Variants in EIF3E observed in about 807,000 individuals in gnomAD.
The protein encoded by EIF3E is eukaryotic translation initiation factor 3 subunit E.
Under a neutral mutation model 59.3 loss-of-function variants are expected in EIF3E, and 25 were observed. That is an observed-to-expected ratio of 0.42 (90% confidence interval 0.31 to 0.59). The LOEUF (loss-of-function observed/expected upper bound fraction) is 0.59. Among genes scored for constraint, EIF3E ranks in the 20% least tolerant of loss-of-function variants. The pLI, the probability that EIF3E is intolerant of heterozygous loss-of-function variation, is 0.15. For missense variants in EIF3E, 317 were observed against 534.3 expected (o/e 0.59, Z 4.01); for synonymous variants, 176 against 170.2 (o/e 1.03, Z -0.26).
chr8:108,233,705 A>G (rs1191425437), intron 5 of EIF3E: 2 of 391,740 alleles, frequency 5.1e-6, no homozygotes, highest in Admixed American at 2.8e-5. Flanking sequence ...ATTAGCCATG[A>G]GTGGTGATGC....
intron 5 of EIF3E, among the ~76,000 whole-genome samples, chr8:108,230,680 A>C (rs1333741834): frequency 2.0e-5 from 3 of 152,164 alleles, no homozygotes; most frequent in African/African-American, 7.2e-5. Flanking sequence ...TCTAGTTATT[A>C]TCACAAAGTA....
intron 10 of EIF3E, among the ~76,000 whole-genome samples, chr8:108,207,282 GCAA>G (rs569411900): frequency 1.3e-5 from 2 of 152,180 alleles, no homozygotes; most frequent in South Asian, 4.1e-4. Flanking sequence ...ACCAGCCTGG[GCAA>G]CACAGCAAGA....
chr8:108,248,545 C>A, intron 1 of EIF3E, 68 bp downstream of exon 1: 1 of 1,525,832 alleles, frequency 6.6e-7, no homozygotes. Flanking sequence ...ACTACAGACA[C>A]CACCTTTCGG....
chr8:108,216,380 G>T (rs1330071171), intron 9 of EIF3E, 32 bp downstream of exon 9: 1 of 1,506,170 alleles, frequency 6.6e-7, no homozygotes, highest in African/African-American at 1.4e-5. Flanking sequence ...TTTAAGAATA[G>T]TATTAGTTTA....
chr8:108,216,569 T>G, intron 8 of EIF3E, 56 bp from the exon 9 acceptor site: 2 of 1,183,238 alleles, frequency 1.7e-6, no homozygotes, highest in Non-Finnish European at 2.4e-6. Context: ...TTTAGCAGAT[T>G]GCCCCAGAAT....
intron 3 of EIF3E, among the ~76,000 whole-genome samples, chr8:108,239,630 C>T (rs748396478): frequency 6.6e-6 from 1 of 152,114 alleles, no homozygotes; most frequent in East Asian, 1.9e-4. Context: ...GTCCCTATAG[C>T]ACCCCTCCAG....
intron 2 of EIF3E, among the ~76,000 whole-genome samples, 165 bp downstream of exon 2, chr8:108,241,634 A>G (rs190201787): frequency 4.6e-5 from 7 of 152,346 alleles, no homozygotes; most frequent in Admixed American, 3.9e-4. Context: ...AGAAAACAAT[A>G]TATTTCGGAA....
rs1586210117 is a variant in EIF3E at position 108,239,877 on chromosome 8, G to A, written c.323+81C>T. On this transcript the variant is annotated intron_variant, in intron 3 of 12. Transcript: ENST00000220849. Reference sequence around the variant, plus strand: ...TTTAAACCATGAACTTTTACTATGGGATACTGGATAAAGTTTGAATTAACA... The same window carrying A: ...TTTAAACCATGAACTTTTACTATGGAATACTGGATAAAGTTTGAATTAACA... 1.5e-5 allele frequency: 17 copies of A among 1,105,876 alleles called. No homozygotes were observed. The East Asian group carries it at 4.0e-4, about 26-fold the overall frequency. The allele number at this position is 1,105,876 out of a possible 1,614,324, so 68.5% of individuals were successfully genotyped here. A position where few individuals can be genotyped will look rare whatever the true frequency, so the allele number is the denominator to read the frequency against.
intron 5 of EIF3E, 34 bp downstream of exon 5, chr8:108,234,964 A>T: frequency 1.8e-6 from 1 of 543,756 alleles, no homozygotes; most frequent in East Asian, 6.1e-5. Context: ...AAAAGACAAA[A>T]AAAAAAAAAA....
intron 10 of EIF3E, 97 bp downstream of exon 10, chr8:108,214,510 C>A: frequency 4.6e-6 from 4 of 868,320 alleles, no homozygotes; most frequent in South Asian, 5.3e-5. Context: ...AATAAAAATC[C>A]AATTAACTGG....
intron 10 of EIF3E, 49 bp from the exon 11 acceptor site, chr8:108,203,552 T>A (rs751034720): frequency 4.0e-6 from 6 of 1,508,502 alleles, no homozygotes; most frequent in East Asian, 2.3e-5. Flanking sequence ...GCCTAAAAAC[T>A]TAGTTTTATG....
intron 5 of EIF3E, among the ~76,000 whole-genome samples, chr8:108,230,361 T>C (rs1815599567): frequency 6.6e-6 from 1 of 152,128 alleles, no homozygotes. Context: ...ATTACAATTA[T>C]CACCTGATAC....
intron 5 of EIF3E, among the ~76,000 whole-genome samples, chr8:108,230,171 T>C (rs1451866281): frequency 6.6e-6 from 1 of 152,178 alleles, no homozygotes; most frequent in Admixed American, 6.5e-5. Context: ...TTTTACATAA[T>C]AGTATAAATA....
At chr8:108,248,015 G>A (rs1007454021) in intron 1 of EIF3E, among the ~76,000 whole-genome samples, 3 of 133,048 alleles carry the variant, frequency 2.3e-5, no homozygotes, top group Non-Finnish European at 3.1e-5. Context: ...AAGATTGGAG[G>A]GATTTTTTCT....
intron 10 of EIF3E, among the ~76,000 whole-genome samples, chr8:108,206,742 G>A (rs1815110258): frequency 6.6e-6 from 1 of 152,134 alleles, no homozygotes; most frequent in Admixed American, 6.5e-5. Context: ...GTTTCAGACT[G>A]CAGTAAGCTA....
intron 10 of EIF3E, 71 bp from the exon 11 acceptor site, chr8:108,203,574 G>C: frequency 8.6e-7 from 1 of 1,166,734 alleles, no homozygotes; most frequent in African/African-American, 1.5e-5. Flanking sequence ...ACACAGTGTT[G>C]ACTCACACTC....
Position 108,201,594 on chromosome 8 carries a change from T to A in EIF3E, c.*291A>T. ...TCCTGGTTTTGATACTGTACCATAG[T>A]AAGACAAAGTGAAAAAATTGAGGGA... On this transcript the variant is annotated 3_prime_UTR_variant, in exon 13 of 13. Transcript: ENST00000220849. 1 of 226,070 alleles carries A rather than the reference T, an allele frequency of 4.4e-6. No individual in the cohort carries two copies. The highest frequency in any genetic ancestry group is 8.7e-6 in the Non-Finnish European group (1 of 115,326). 14.0% of individuals were successfully genotyped at this position (226,070 alleles called of 1,614,324 possible).
At chr8:108,235,766 T>G (rs913805766) in intron 4 of EIF3E, among the ~76,000 whole-genome samples, 2 of 152,268 alleles carry the variant, frequency 1.3e-5, no homozygotes, top group African/African-American at 4.8e-5. Flanking sequence ...TACTACCTAA[T>G]TCTACTGCTC....
intron 6 of EIF3E, among the ~76,000 whole-genome samples, chr8:108,228,710 T>G (rs891128801): frequency 3.9e-5 from 6 of 152,196 alleles, no homozygotes; most frequent in African/African-American, 1.4e-4. Context: ...GAACATTTCA[T>G]AGTAAGTGGT....
Sources: gnomAD v4.1 joint callset for allele counts (sites outside exome capture counted in the v4.1 genomes callset) on GRCh38, gnomAD v4.1.1 for gene constraint, MANE v1.5 for transcripts, NCBI Gene and HGNC (gene_info 2026-07-23, HGNC 2026-07-21) for gene names.